The following LAMB4 variants were observed in gnomAD, a reference collection of about 807,000 sequenced individuals.
The protein encoded by LAMB4 is laminin subunit beta-4.
A neutral mutation model predicts 199.2 loss-of-function variants in LAMB4; 196 were observed. The ratio of observed to expected loss-of-function variants is 0.98; its 90% confidence interval spans 0.88 to 1.11. The LOEUF (loss-of-function observed/expected upper bound fraction) is 1.11. Ranked by LOEUF, LAMB4 falls within the 50% of genes least tolerant of loss-of-function variation. The probability of loss-of-function intolerance (pLI) is 0.00; values close to 1 mark genes in which losing one functional copy is unlikely to be tolerated. For missense variants in LAMB4, 2,080 were observed against 2,171.2 expected (o/e 0.96, Z 0.83); for synonymous variants, 744 against 770.6 (o/e 0.97, Z 0.57).
chr7:108,049,427 C>T lies in LAMB4; in HGVS notation c.4021G>A (p.Asp1341Asn), dbSNP rs371136265. ...AGTGTATCTAAGATGGTAAGTAAGTCATTCCTTGTATTTGCAGAGGTATTA... is the reference window on the plus strand; with the variant it reads ...AGTGTATCTAAGATGGTAAGTAAGTTATTCCTTGTATTTGCAGAGGTATTA... ...TINTSANTRN[D>N]LLTILDTLTS... The change falls in exon 27 of 34, where the codon GAC becomes AAC. Residue 1341 changes from aspartate (D) to asparagine (N), a missense_variant. Physicochemically the swap from Asp to Asn is conservative, Grantham distance 23. Coordinates refer to ENST00000388781, the MANE Select transcript of LAMB4 (RefSeq NM_007356.3). 7.5e-6 allele frequency: 12 copies of T among 1,592,170 alleles called. No individual in the cohort carries two copies. Among genetic ancestry groups the T allele is most frequent in the Non-Finnish European group, 1.0e-5 (12 of 1,161,458 alleles).
downstream of LAMB4, among the ~76,000 whole-genome samples, chr7:108,023,308 G>T (rs924722899): frequency 6.1e-4 from 63 of 102,942 alleles, no homozygotes; most frequent in African/African-American, 8.5e-3. Context: ...TGCAAAAATA[G>T]TTAGTATGAA....
intron 14 of LAMB4, among the ~76,000 whole-genome samples, chr7:108,081,292 A>G (rs1209410686): frequency 1.3e-5 from 2 of 151,974 alleles, no homozygotes; most frequent in African/African-American, 2.4e-5. Context: ...CTCCCTAACC[A>G]GCCAACACAG....
At chr7:108,018,462 A>G in the LAMB4 span, among the ~76,000 whole-genome samples, 1 of 152,194 alleles carries the variant, frequency 6.6e-6, no homozygotes, top group South Asian at 2.1e-4. Context: ...CCTCCTGGCC[A>G]GGCGCGGTGT....
intron 17 of LAMB4, among the ~76,000 whole-genome samples, chr7:108,072,012 C>T (rs1008694589): frequency 6.6e-6 from 1 of 151,942 alleles, no homozygotes; most frequent in Admixed American, 6.6e-5. Flanking sequence ...GGAGGTACTG[C>T]CCCTCTAGGG....
chr7:108,075,295 C>G (rs1252332510), intron 17 of LAMB4, among the ~76,000 whole-genome samples: 1 of 152,158 alleles, frequency 6.6e-6, no homozygotes, highest in Non-Finnish European at 1.5e-5. Context: ...CAGGTAGATC[C>G]TCTCACCTGA....
At chr7:108,056,074 C>T in intron 24 of LAMB4, 67 bp from the exon 25 acceptor site, 1 of 1,435,608 alleles carries the variant, frequency 7.0e-7, no homozygotes, top group Non-Finnish European at 9.4e-7. Context: ...ACTCAAGAAT[C>T]AGGTCTTTTC....
At chr7:108,091,127 T>G (rs1278745431) in intron 14 of LAMB4, among the ~76,000 whole-genome samples, 1 of 151,908 alleles carries the variant, frequency 6.6e-6, no homozygotes, top group East Asian at 1.9e-4. Flanking sequence ...CCTATTCCTA[T>G]CTGGAGTCAC....
chr7:108,110,121 C>T lies in LAMB4; in HGVS notation c.329-877G>A, dbSNP rs538091465. Among the ~76,000 whole-genome samples the T allele has an allele frequency of 3.3e-5, 5 of 152,252 alleles. No individual in the cohort carries two copies. The South Asian group carries it at 1.0e-3, about 32-fold the overall frequency. ...CTTGGCTCACTGCAACCTCTGCCTC[C>T]CGGGTCAGGGGATTCTACTGCCTCA... On this transcript the variant is annotated intron_variant, in intron 4 of 33. Transcript: ENST00000388781.
intron 11 of LAMB4, among the ~76,000 whole-genome samples, chr7:108,095,958 A>G (rs945060613): frequency 6.6e-6 from 1 of 152,244 alleles, no homozygotes; most frequent in African/African-American, 2.4e-5. Context: ...GTACAATAGT[A>G]TGTTATTCAG....
rs746506860 is a variant in LAMB4 at position 108,098,550 on chromosome 7, C to A, written c.1213G>T (p.Gly405Cys). The A allele has an allele frequency of 2.5e-6, 4 of 1,611,172 alleles. No individual in the cohort carries two copies. Among genetic ancestry groups the A allele is most frequent in the Non-Finnish European group, 3.4e-6 (4 of 1,179,150 alleles). Reference sequence around the variant, plus strand: ...TCAGAGTGGCTCACACAAATGCCACCAGATATGGTCCCATCGGGGTCACAT... The same window carrying A: ...TCAGAGTGGCTCACACAAATGCCACAAGATATGGTCCCATCGGGGTCACAT... ...CECDPDGTIS[G>C]GICVSHSDPA... Residue 405 changes from glycine (G) to cysteine (C), a missense_variant, in exon 11 of 34, where the codon GGT becomes TGT. By Grantham distance (159) the Gly-to-Cys change is radical. Transcript: ENST00000388781.
intron 33 of LAMB4, among the ~76,000 whole-genome samples, chr7:108,027,495 TC>T (rs2034878475): frequency 6.6e-6 from 1 of 152,218 alleles, no homozygotes; most frequent in South Asian, 2.1e-4. Flanking sequence ...TTTTTTCATG[TC>T]ATAGTAATGA....
rs1370121189 is a variant in LAMB4, at chr7:108,048,022, C to A, written c.4212G>T (p.Arg1404Ser). Residue 1404 changes from arginine (R) to serine (S), a missense_variant, in exon 28 of 34, where the codon AGG (arginine) becomes AGT (serine). Transcript: ENST00000388781. ...TCAGGGAGCCGTGACAGCCGGGACC[C>A]CTACACTTCCTGTGCCCCTTCCGGC... Reference protein sequence around the residue: ...CTGRKGHRKCRGPGCHGSLTL... With the variant: ...CTGRKGHRKCSGPGCHGSLTL... The A allele has an allele frequency of 6.2e-7, 1 of 1,614,196 alleles. No individual in the cohort carries two copies. Among genetic ancestry groups the A allele is most frequent in the Non-Finnish European group, 8.5e-7 (1 of 1,180,022 alleles).
chr7:108,070,059 TTAAA>T (rs1245071144), intron 17 of LAMB4, among the ~76,000 whole-genome samples, 174 bp from the exon 18 acceptor site: 2 of 152,226 alleles, frequency 1.3e-5, no homozygotes, highest in African/African-American at 4.8e-5. Context: ...TAAGAAATCT[TTAAA>T]TATTTATATT....
chr7:108,110,105 C>T (rs1399608810), intron 4 of LAMB4, among the ~76,000 whole-genome samples: 1 of 152,206 alleles, frequency 6.6e-6, no homozygotes, highest in Non-Finnish European at 1.5e-5. Context: ...TCTTGGCTCA[C>T]TGCAACCTCT....
intron 24 of LAMB4, 69 bp from the exon 25 acceptor site, chr7:108,056,076 G>A: frequency 7.0e-7 from 1 of 1,421,370 alleles, no homozygotes; most frequent in Non-Finnish European, 9.5e-7. Flanking sequence ...TCAAGAATCA[G>A]GTCTTTTCCT....
chr7:108,087,432 G>C (rs764092978), intron 14 of LAMB4, among the ~76,000 whole-genome samples: 3 of 152,190 alleles, frequency 2.0e-5, no homozygotes, highest in African/African-American at 7.2e-5. Flanking sequence ...ATGCACACAG[G>C]AAGGCTCAGT....
intron 22 of LAMB4, among the ~76,000 whole-genome samples, chr7:108,063,494 A>G (rs2036235320): frequency 6.6e-6 from 1 of 152,200 alleles, no homozygotes; most frequent in Non-Finnish European, 1.5e-5. Flanking sequence ...AACGCTTTGA[A>G]TCCACTAGGA....
In LAMB4 at chr7:108,107,704, C is replaced by A. The variant is rs575435996; in HGVS notation, c.518G>T (p.Gly173Val). Residue 173 changes from glycine (G) to valine (V), a missense_variant, in exon 6 of 34, where the codon GGC (glycine) becomes GTC (valine). Gly to Val is a moderately radical substitution (Grantham distance 109). Coordinates refer to ENST00000388781, the MANE Select transcript of LAMB4 (RefSeq NM_007356.3). ...CATSFPNITS[G>V]QAQGVGDIVC... ...AATGTCTCCCACTCCCTGGGCCTGG[C>A]CAGATGTGATGTTAGGAAAGGAAGT... 1.2e-6 allele frequency: 2 copies of A among 1,613,710 alleles called. No individual in the cohort carries two copies. The highest frequency in any genetic ancestry group is 2.2e-5 in the South Asian group (2 of 90,980).
At chr7:108,121,754 A>C (rs1048137576) in intron 2 of LAMB4, among the ~76,000 whole-genome samples, 3 of 151,802 alleles carry the variant, frequency 2.0e-5, no homozygotes, top group African/African-American at 7.3e-5. Context: ...CTGTCTTAAA[A>C]AAAAAAAAAA....
Sources: gnomAD v4.1 joint callset for allele counts (sites outside exome capture counted in the v4.1 genomes callset) on GRCh38, gnomAD v4.1.1 for gene constraint, MANE v1.5 for transcripts, NCBI Gene and HGNC (gene_info 2026-07-23, HGNC 2026-07-21) for gene names.